The following UBA2 variants were observed in gnomAD, a reference collection of about 807,000 sequenced individuals.
UBA2 encodes the protein ubiquitin like modifier activating enzyme 2, also known as SUMO-activating enzyme subunit 2.
UBA2 carries 11 observed loss-of-function variants against 77.2 expected under a neutral mutation model. That is an observed-to-expected ratio of 0.14 (90% CI 0.09 to 0.24). The LOEUF is 0.24. UBA2 is among the 10% of genes least tolerant of loss of function. The probability of loss-of-function intolerance (pLI) is 1.00; values close to 1 mark genes in which losing one functional copy is unlikely to be tolerated. For synonymous variants in UBA2, 278 were observed against 276.7 expected (o/e 1.00, Z -0.05); for missense variants, 487 against 781.7 (o/e 0.62, Z 4.50).
At position 34,448,484 on chromosome 19, in the gene UBA2, A is replaced by G. The variant is rs953070187; in HGVS notation, c.772-1781A>G. 2.8e-4 allele frequency among the ~76,000 whole-genome samples: 43 copies of G among 152,020 alleles called. 1 individual carries two copies. The highest frequency in any genetic ancestry group is 1.0e-3 in the African/African-American group (43 of 41,386). On this transcript the variant is annotated intron_variant, in intron 8 of 16. Coordinates refer to ENST00000246548, the MANE Select transcript of UBA2 (RefSeq NM_005499.3). ...TGGCCTGAGCCTGCGGTCCCCAGCTACTCAGGAGGCTGGGACAGGAATATC... is the reference window on the plus strand; with the variant it reads ...TGGCCTGAGCCTGCGGTCCCCAGCTGCTCAGGAGGCTGGGACAGGAATATC...
intron 6 of UBA2, among the ~76,000 whole-genome samples, chr19:34,443,225 C>T (rs1321709064): frequency 6.6e-6 from 1 of 152,082 alleles, no homozygotes; most frequent in African/African-American, 2.4e-5. Context: ...AAACATTATT[C>T]TGGTGTTAGA....
intron 12 of UBA2, among the ~76,000 whole-genome samples, chr19:34,455,496 T>C (rs2075548469): frequency 6.6e-6 from 1 of 152,136 alleles, no homozygotes; most frequent in South Asian, 2.1e-4. Context: ...TCAAGAAGGC[T>C]TCCTAGGAAA....
chr19:34,439,534 A>ACAGAATACCAC, intron 6 of UBA2, among the ~76,000 whole-genome samples: 1 of 152,338 alleles, frequency 6.6e-6, no homozygotes, highest in South Asian at 2.1e-4. Flanking sequence ...AATACACTTT[A>ACAGAATACCAC]AGAAATGAGA....
chr19:34,468,502 A>T (rs2075709903), intron 16 of UBA2, among the ~76,000 whole-genome samples: 1 of 152,170 alleles, frequency 6.6e-6, no homozygotes, highest in Admixed American at 6.5e-5. Flanking sequence ...GAGGAGATAA[A>T]ACCACCTTTA....
chr19:34,438,201 A>C (rs1460144622), intron 5 of UBA2, among the ~76,000 whole-genome samples: 1 of 143,064 alleles, frequency 7.0e-6, no homozygotes, highest in Non-Finnish European at 1.5e-5. Flanking sequence ...TGTATTCCCC[A>C]GACCCACTTA....
chr19:34,456,027 T>C (rs2075555242), intron 12 of UBA2, among the ~76,000 whole-genome samples: 1 of 151,434 alleles, frequency 6.6e-6, no homozygotes, highest in African/African-American at 2.4e-5. Context: ...TCCTCCCACC[T>C]TGGCCCCCCA....
rs1276985899 is a variant in UBA2, at chr19:34,469,840, CAAAT to C, written c.*622_*625del. ...TTTATATTCGATGTTTTGTAAAACT[CAAAT>C]AACGACTATACTTATGGACCAAATA... On this transcript the variant is annotated 3_prime_UTR_variant, in exon 17 of 17. Coordinates refer to ENST00000246548, the MANE Select transcript of UBA2 (RefSeq NM_005499.3). 1.3e-5 allele frequency: 2 copies of C among 152,612 alleles called. No homozygotes were observed. Among genetic ancestry groups the C allele is most frequent in the African/African-American group, 2.4e-5 (1 of 41,520 alleles). 9.5% of individuals were successfully genotyped at this position (152,612 alleles called of 1,614,324 possible).
intron 16 of UBA2, 26 bp from the exon 17 acceptor site, chr19:34,469,014 T>C (rs778804340): frequency 1.3e-6 from 2 of 1,577,506 alleles, no homozygotes; most frequent in Admixed American, 3.8e-5. Flanking sequence ...TTACCCATTT[T>C]CTTTTTCCCT....
chr19:34,460,718 G>T (rs1475496346), intron 14 of UBA2, 152 bp downstream of exon 14: 2 of 552,148 alleles, frequency 3.6e-6, no homozygotes, highest in Non-Finnish European at 6.2e-6. Context: ...ACATTGCTGG[G>T]GGTCATCACA....
chr19:34,447,169 G>A (rs1272059410), intron 8 of UBA2, among the ~76,000 whole-genome samples: 1 of 152,126 alleles, frequency 6.6e-6, no homozygotes, highest in Non-Finnish European at 1.5e-5. Flanking sequence ...TCCAACATGG[G>A]AGAAAGATGT....
chr19:34,432,737 A>T (rs1166603960), intron 3 of UBA2, among the ~76,000 whole-genome samples: 1 of 152,062 alleles, frequency 6.6e-6, no homozygotes, highest in Non-Finnish European at 1.5e-5. Context: ...TTTGTATTTT[A>T]GTAGGCGGGG....
rs921080600 is a variant in UBA2, at chr19:34,452,100, G to A, written c.991G>A (p.Val331Ile). 1 of 1,609,700 alleles carries A rather than the reference G, an allele frequency of 6.2e-7. No homozygotes were observed. Among genetic ancestry groups the A allele is most frequent in the Non-Finnish European group, 8.5e-7 (1 of 1,176,920 alleles). ...TTCAAAGAGCATCGAGACTTTGAGA[G>A]TTCATTTAGCAGAAAAGGGGGATGG... ...LFSKSIETLR[V>I]HLAEKGDGAE... Residue 331 changes from valine (V) to isoleucine (I), a missense_variant, in exon 10 of 17, where the codon GTT becomes ATT. Val to Ile is a conservative substitution (Grantham distance 29, BLOSUM62 3). This residue lies in a region of UBA2 where 300 missense variants were observed against 454.3 expected (regional missense o/e 0.66). Transcript: ENST00000246548.
At chr19:34,457,196 A>G (rs1212266482) in intron 12 of UBA2, among the ~76,000 whole-genome samples, 2 of 129,162 alleles carry the variant, frequency 1.5e-5, no homozygotes, top group Non-Finnish European at 3.2e-5. Flanking sequence ...ATATATATAT[A>G]TATATATATA....
At chr19:34,450,187 T>C (rs949078935) in intron 8 of UBA2, 78 bp from the exon 9 acceptor site, 13 of 953,972 alleles carry the variant, frequency 1.4e-5, no homozygotes, top group African/African-American at 1.2e-4. Flanking sequence ...TAGTGTAATA[T>C]AGATCAGCAA....
intron 4 of UBA2, among the ~76,000 whole-genome samples, chr19:34,434,613 G>A (rs904743195): frequency 4.6e-5 from 7 of 152,190 alleles, no homozygotes; most frequent in East Asian, 3.8e-4. Flanking sequence ...AATATGGCAC[G>A]TTGGATTTTT....
intron 14 of UBA2, among the ~76,000 whole-genome samples, chr19:34,463,412 T>C (rs1270354522): frequency 6.6e-6 from 1 of 152,188 alleles, no homozygotes; most frequent in Non-Finnish European, 1.5e-5. Flanking sequence ...CAGAAATTTA[T>C]ATTCTCACAG....
intron 10 of UBA2, among the ~76,000 whole-genome samples, chr19:34,453,083 G>A (rs2075519495): frequency 6.6e-6 from 1 of 152,178 alleles, no homozygotes; most frequent in African/African-American, 2.4e-5. Context: ...TGATAAGACA[G>A]CTGCTTAGGG....
At chr19:34,444,745 T>C (rs1243440595) in intron 7 of UBA2, among the ~76,000 whole-genome samples, 1 of 152,098 alleles carries the variant, frequency 6.6e-6, no homozygotes, top group East Asian at 1.9e-4. Flanking sequence ...AGGTAGAAGC[T>C]ACAGTGAGCC....
At position 34,444,794 on chromosome 19, in the gene UBA2, G is replaced by A. The variant is rs546369373; in HGVS notation, c.650-206G>A. 2.5e-4 allele frequency among the ~76,000 whole-genome samples: 38 copies of A among 152,310 alleles called. 1 individual carries two copies. Among genetic ancestry groups the A allele is most frequent in the Non-Finnish European group, 4.6e-4 (31 of 68,030 alleles). On this transcript the variant is annotated intron_variant, in intron 7 of 16. Transcript: ENST00000246548. ...TGCACTCCAGCCTGGGCAACAGAGT[G>A]AGACTTTGTCTCCAAAAACAAGAAA...
Sources: gnomAD v4.1 joint callset for allele counts (sites outside exome capture counted in the v4.1 genomes callset) on GRCh38, gnomAD v4.1.1 for gene constraint, gnomAD v4.1.1 regional missense constraint, MANE v1.5 for transcripts, NCBI Gene and HGNC (gene_info 2026-07-23, HGNC 2026-07-21) for gene names.